Variants in WDFY2 observed in about 807,000 individuals in gnomAD.
WDFY2 encodes WD repeat and FYVE domain containing 2.
WDFY2 carries 36 observed loss-of-function variants against 56.4 expected under a neutral mutation model. That is an observed-to-expected ratio of 0.64 (90% CI 0.49 to 0.84). The LOEUF is 0.84. Among genes scored for constraint, WDFY2 ranks in the 40% least tolerant of loss-of-function variants. The pLI, the probability that WDFY2 is intolerant of heterozygous loss-of-function variation, is 0.00. For synonymous variants in WDFY2, 176 were observed against 183.7 expected (o/e 0.96, Z 0.34); for missense variants, 444 against 512.2 (o/e 0.87, Z 1.29).
At chr13:51,758,758 T>C (rs1244438977) in intron 11 of WDFY2, among the ~76,000 whole-genome samples, 1 of 151,948 alleles carries the variant, frequency 6.6e-6, no homozygotes, top group Non-Finnish European at 1.5e-5. Context: ...AAAACGGTAA[T>C]ACATATGAGA....
At chr13:51,720,699 C>G (rs372255770) in intron 5 of WDFY2, among the ~76,000 whole-genome samples, 1 of 152,134 alleles carries the variant, frequency 6.6e-6, no homozygotes, top group Admixed American at 6.5e-5. Context: ...GCTTACAATT[C>G]TGGAGGCTGG....
At chr13:51,710,867 G>C (rs1044261884) in intron 4 of WDFY2, among the ~76,000 whole-genome samples, 2 of 152,036 alleles carry the variant, frequency 1.3e-5, no homozygotes, top group African/African-American at 4.8e-5. Flanking sequence ...TACTGCCCAG[G>C]GTAATTTATA....
At chr13:51,626,794 G>A (rs1367685007) in intron 1 of WDFY2, among the ~76,000 whole-genome samples, 3 of 152,242 alleles carry the variant, frequency 2.0e-5, no homozygotes, top group African/African-American at 4.8e-5. Context: ...TCCTTGGGGT[G>A]TTGCTTTGCC....
intron 3 of WDFY2, among the ~76,000 whole-genome samples, chr13:51,675,488 A>G (rs908061170): frequency 4.6e-5 from 7 of 152,230 alleles, no homozygotes; most frequent in Admixed American, 3.3e-4. Flanking sequence ...AATGGGGGCA[A>G]TCGGAGGCCA....
intron 2 of WDFY2, among the ~76,000 whole-genome samples, chr13:51,664,376 C>T (rs538051553): frequency 1.3e-5 from 2 of 152,330 alleles, no homozygotes; most frequent in South Asian, 4.1e-4. Context: ...ATGCTAGTCT[C>T]AGCCTGGGCA....
At chr13:51,669,554 A>C (rs1018793760) in intron 2 of WDFY2, among the ~76,000 whole-genome samples, 2 of 152,212 alleles carry the variant, frequency 1.3e-5, no homozygotes, top group Non-Finnish European at 2.9e-5. Context: ...GACTGTCATT[A>C]GTCCGAGACA....
intron 1 of WDFY2, among the ~76,000 whole-genome samples, chr13:51,643,011 C>G (rs529550566): frequency 6.6e-6 from 1 of 152,274 alleles, no homozygotes; most frequent in South Asian, 2.1e-4. Flanking sequence ...GCACCTTTGG[C>G]AACTCTATGA....
chr13:51,702,415 A>C (rs1343827688), intron 3 of WDFY2, among the ~76,000 whole-genome samples: 1 of 152,190 alleles, frequency 6.6e-6, no homozygotes, highest in African/African-American at 2.4e-5. Context: ...TAATGATATG[A>C]ATTTTTAAAG....
chr13:51,756,527 C>G lies in WDFY2; in HGVS notation c.1064+65C>G, dbSNP rs1021424084. 1.7e-4 allele frequency: 257 copies of G among 1,544,222 alleles called. 1 individual carries two copies. The highest frequency in any genetic ancestry group is 2.2e-4 in the Non-Finnish European group (247 of 1,144,252). ...GAGAATTTAATCTGAGCCTTGCACT[C>G]AGCGCCGCAACCATCACTCAGGTTG... On this transcript the variant is annotated intron_variant, in intron 10 of 11. Transcript: ENST00000298125.
intron 1 of WDFY2, among the ~76,000 whole-genome samples, chr13:51,657,699 G>T (rs1454866622): frequency 6.6e-6 from 1 of 151,864 alleles, no homozygotes; most frequent in Non-Finnish European, 1.5e-5. Context: ...CCATCTTCAG[G>T]TTTGCTGTCT....
rs1951788851 is a variant in WDFY2 at position 51,693,380 on chromosome 13, G to T, written c.280-10216G>T. Among the ~76,000 whole-genome samples, 4 of 151,458 alleles carry T rather than the reference G, an allele frequency of 2.6e-5. No homozygotes were observed. In the South Asian group the frequency reaches 8.4e-4, roughly 32 times the overall value. On this transcript the variant is annotated intron_variant, in intron 3 of 11. Transcript: ENST00000298125. ...TGTGTCCCAGAGATTCTGGTATGTT[G>T]TGTCTTTGTTCTCATTGGTTTCAAA... is the stretch of plus-strand genomic sequence containing the variant.
intron 3 of WDFY2, among the ~76,000 whole-genome samples, chr13:51,683,328 G>T (rs1340308728): frequency 6.6e-6 from 1 of 152,158 alleles, no homozygotes; most frequent in Non-Finnish European, 1.5e-5. Context: ...AGTCCTGTTG[G>T]TATCAAAATT....
chr13:51,688,742 GT>G (rs746824051), intron 3 of WDFY2, among the ~76,000 whole-genome samples: 3 of 152,166 alleles, frequency 2.0e-5, no homozygotes, highest in South Asian at 2.1e-4. Context: ...ATATTATGAT[GT>G]TAGGTGTAAG....
intron 1 of WDFY2, among the ~76,000 whole-genome samples, chr13:51,659,115 C>T (rs182965584): frequency 4.2e-4 from 64 of 151,884 alleles, no homozygotes; most frequent in Non-Finnish European, 6.3e-4. Flanking sequence ...TTAGTAGAGA[C>T]GGGGTTTTGT....
At chr13:51,746,348 A>T (rs1332013489) in intron 7 of WDFY2, among the ~76,000 whole-genome samples, 3 of 152,222 alleles carry the variant, frequency 2.0e-5, no homozygotes, top group African/African-American at 7.2e-5. Flanking sequence ...CAACAGTTGA[A>T]TTCCTCAAAG....
chr13:51,627,819 G>T (rs1954865810), intron 1 of WDFY2, among the ~76,000 whole-genome samples: 1 of 152,096 alleles, frequency 6.6e-6, no homozygotes, highest in African/African-American at 2.4e-5. Context: ...TCCATTGGTG[G>T]GTCATCCCAT....
Position 51,762,437 on chromosome 13 carries a change from C to G in WDFY2, c.*2668C>G, listed in dbSNP as rs1384942830. On this transcript the variant is annotated 3_prime_UTR_variant, in exon 12 of 12. Coordinates refer to ENST00000298125, the MANE Select transcript of WDFY2 (RefSeq NM_052950.4). ...ATCATCATCAGAAAACCAGATATGT[C>G]AAGGTATCCATTGCTCTTTCCTTTT... The G allele has an allele frequency of 6.6e-6, 1 of 152,232 alleles. No individual in the cohort carries two copies. The highest frequency in any genetic ancestry group is 1.5e-5 in the Non-Finnish European group (1 of 68,046). 9.4% of individuals were successfully genotyped at this position (152,232 alleles called of 1,614,324 possible). A position where few individuals can be genotyped will look rare whatever the true frequency, so the allele number is the denominator to read the frequency against.
intron 1 of WDFY2, among the ~76,000 whole-genome samples, chr13:51,611,895 G>C (rs1954510466): frequency 6.6e-6 from 1 of 152,134 alleles, no homozygotes; most frequent in South Asian, 2.1e-4. Flanking sequence ...GACTGAATGT[G>C]ACTACTTGGA....
intron 2 of WDFY2, among the ~76,000 whole-genome samples, chr13:51,664,712 G>T (rs1222519703): frequency 6.6e-6 from 1 of 152,150 alleles, no homozygotes; most frequent in Non-Finnish European, 1.5e-5. Flanking sequence ...AGGCCTCATT[G>T]TACACCTCCT....
Sources: allele counts gnomAD v4.1 joint callset (sites outside exome capture counted in the v4.1 genomes callset), GRCh38; gene constraint gnomAD v4.1.1; transcripts MANE v1.5; gene names NCBI Gene and HGNC (gene_info 2026-07-23, HGNC 2026-07-21).